Variants in SYT14 observed in about 807,000 individuals in gnomAD.
SYT14 encodes synaptotagmin-14.
SYT14 carries 32 observed loss-of-function variants against 74.2 expected under a neutral mutation model. The ratio of observed to expected loss-of-function variants is 0.43; its 90% CI spans 0.33 to 0.58. The LOEUF is 0.58. Among genes scored for constraint, SYT14 ranks in the 20% least tolerant of loss-of-function variants. The probability of loss-of-function intolerance (pLI) is 0.05; values close to 1 mark genes in which losing one functional copy is unlikely to be tolerated. For synonymous variants in SYT14, 298 were observed against 337.7 expected (o/e 0.88, Z 1.29); for missense variants, 791 against 981.8 (o/e 0.81, Z 2.60).
intron 5 of SYT14, among the ~76,000 whole-genome samples, chr1:210,076,556 G>A (rs942576553): frequency 2.0e-5 from 3 of 152,088 alleles, no homozygotes; most frequent in African/African-American, 7.2e-5. Flanking sequence ...CCATTCTCAC[G>A]ATGCTATAAA....
At chr1:210,084,565 T>C (rs1372898386) in intron 5 of SYT14, among the ~76,000 whole-genome samples, 1 of 152,208 alleles carries the variant, frequency 6.6e-6, no homozygotes, top group Non-Finnish European at 1.5e-5. Flanking sequence ...TAATATGGAA[T>C]ATTGAGGCAG....
At chr1:209,938,509 C>T (rs1016496197) in intron 1 of SYT14, among the ~76,000 whole-genome samples, 3 of 151,938 alleles carry the variant, frequency 2.0e-5, no homozygotes, top group Non-Finnish European at 1.5e-5. Context: ...TTTTGCCGGC[C>T]TCCCGGCGGC....
At chr1:210,068,519 A>G (rs1263648615) in intron 5 of SYT14, among the ~76,000 whole-genome samples, 1 of 151,718 alleles carries the variant, frequency 6.6e-6, no homozygotes, top group Non-Finnish European at 1.5e-5. Flanking sequence ...CTATGAAATC[A>G]CTTGTATCTT....
At chr1:209,997,920 A>G (rs2079827152) in intron 2 of SYT14, among the ~76,000 whole-genome samples, 1 of 152,194 alleles carries the variant, frequency 6.6e-6, no homozygotes, top group South Asian at 2.1e-4. Flanking sequence ...TTCTTTGGTG[A>G]CTACTCCATG....
intron 5 of SYT14, among the ~76,000 whole-genome samples, chr1:210,034,213 T>A (rs2080604005): frequency 6.6e-6 from 1 of 151,732 alleles, no homozygotes; most frequent in South Asian, 2.1e-4. Context: ...GGTCTAAGGT[T>A]AATACAAGTG....
At chr1:210,072,396 A>G (rs1350955470) in intron 5 of SYT14, among the ~76,000 whole-genome samples, 2 of 152,000 alleles carry the variant, frequency 1.3e-5, no homozygotes, top group African/African-American at 4.8e-5. Flanking sequence ...ATATGCTTTT[A>G]ATTAGTTGCC....
intron 8 of SYT14, chr1:210,156,880 G>T: frequency 2.5e-6 from 1 of 407,282 alleles, no homozygotes; most frequent in Non-Finnish European, 5.1e-6. Context: ...TTTTAGTAGA[G>T]GTGGGTTTTC....
chr1:210,095,701 C>A (rs556236231), intron 6 of SYT14, among the ~76,000 whole-genome samples: 2 of 152,242 alleles, frequency 1.3e-5, no homozygotes, highest in East Asian at 3.9e-4. Context: ...ATACCCAGAA[C>A]AATTAAGCTA....
intron 5 of SYT14, among the ~76,000 whole-genome samples, chr1:210,071,793 C>T (rs1223758118): frequency 1.3e-5 from 2 of 151,872 alleles, no homozygotes; most frequent in South Asian, 2.1e-4. Context: ...AAAAAAGCTT[C>T]GATTCCATTT....
At chr1:210,119,074 A>G (rs1367009179) in intron 7 of SYT14, among the ~76,000 whole-genome samples, 1 of 152,202 alleles carries the variant, frequency 6.6e-6, no homozygotes, top group Non-Finnish European at 1.5e-5. Flanking sequence ...ACTATTTTTA[A>G]TGATAGATAT....
At chr1:210,089,440 T>C (rs2102509448) in intron 5 of SYT14, among the ~76,000 whole-genome samples, 1 of 152,332 alleles carries the variant, frequency 6.6e-6, no homozygotes, top group Admixed American at 6.5e-5. Flanking sequence ...TTCTAGATCC[T>C]TGAGGGATCG....
chr1:210,149,555 A>G (rs1352865636), intron 7 of SYT14, among the ~76,000 whole-genome samples: 2 of 152,054 alleles, frequency 1.3e-5, no homozygotes, highest in South Asian at 2.1e-4. Flanking sequence ...ATATTTTGTT[A>G]TTATGGTTAT....
In SYT14 at chr1:210,021,270, T is replaced by C; in HGVS notation, c.1312+16T>C. 1 of 1,605,348 alleles carries C rather than the reference T, an allele frequency of 6.2e-7. No individual in the cohort carries two copies. The highest frequency in any genetic ancestry group is 8.5e-7 in the Non-Finnish European group (1 of 1,172,250). The stretch of plus-strand genomic sequence containing the variant: ...ATAGATGAAGGTAAGATGGGCTGTT[T>C]TATTTTTTTTACATGACACACTATA... On this transcript the variant is annotated intron_variant, in intron 5 of 9. Transcript: ENST00000637265.
At chr1:209,959,800 G>A (rs1163324420) in intron 2 of SYT14, among the ~76,000 whole-genome samples, 1 of 152,122 alleles carries the variant, frequency 6.6e-6, no homozygotes, top group Non-Finnish European at 1.5e-5. Flanking sequence ...CTACTAATAG[G>A]TATGGGTTTT....
At chr1:209,993,767 A>G (rs534692310) in intron 2 of SYT14, among the ~76,000 whole-genome samples, 1 of 152,116 alleles carries the variant, frequency 6.6e-6, no homozygotes, top group East Asian at 1.9e-4. Context: ...CCCTCTCCCC[A>G]TCCCTGACTT....
chr1:210,118,504 T>A (rs571385929), intron 7 of SYT14, among the ~76,000 whole-genome samples: 1 of 152,100 alleles, frequency 6.6e-6, no homozygotes, highest in African/African-American at 2.4e-5. Flanking sequence ...TGAGATGGAG[T>A]CTTGCTTTCA....
At chr1:210,031,386 C>A (rs545876510) in intron 5 of SYT14, among the ~76,000 whole-genome samples, 1 of 151,864 alleles carries the variant, frequency 6.6e-6, no homozygotes, top group Non-Finnish European at 1.5e-5. Flanking sequence ...CTGTAGTTTT[C>A]TTTTCTTGTA....
chr1:210,090,232 A>C (rs1454990260), intron 5 of SYT14, among the ~76,000 whole-genome samples: 1 of 152,220 alleles, frequency 6.6e-6, no homozygotes, highest in African/African-American at 2.4e-5. Flanking sequence ...GCATGGCCTT[A>C]GGTTTCCTGC....
intron 1 of SYT14, among the ~76,000 whole-genome samples, chr1:209,948,703 A>G (rs951841573): frequency 6.6e-6 from 1 of 152,020 alleles, no homozygotes; most frequent in African/African-American, 2.4e-5. Flanking sequence ...TTTTTCTGAC[A>G]ATTAACTAGT....
Sources: allele counts gnomAD v4.1 joint callset (sites outside exome capture counted in the v4.1 genomes callset), GRCh38; gene constraint gnomAD v4.1.1; transcripts MANE v1.5; gene names NCBI Gene and HGNC (gene_info 2026-07-23, HGNC 2026-07-21).